Variants in OR7G2 observed in about 807,000 individuals in gnomAD.
OR7G2 encodes olfactory receptor family 7 subfamily G member 2.
For synonymous variants in OR7G2, 153 were observed against 152.2 expected, an observed-to-expected ratio of 1.01 and a Z score of -0.04; for missense variants, 362 against 384.0, an observed-to-expected ratio of 0.94 and a Z score of 0.48.
intron 1 of OR7G2, 65 bp from the exon 2 acceptor site, chr19:9,103,324 G>C (rs1385206410): frequency 6.4e-7 from 1 of 1,571,052 alleles, no homozygotes; most frequent in South Asian, 1.1e-5. Context: ...GAACATGACA[G>C]AAACGCAAAA....
intron 1 of OR7G2, among the ~76,000 whole-genome samples, chr19:9,103,867 T>G (rs1467418715): frequency 9.5e-5 from 2 of 21,034 alleles, no homozygotes; most frequent in African/African-American, 1.5e-4. Context: ...TGTGGAAATG[T>G]TTTTTTTTTT....
intron 1 of OR7G2, among the ~76,000 whole-genome samples, chr19:9,103,897 TCTCA>T (rs74176682): frequency 0.022 from 3,059 of 138,054 alleles, 46 homozygotes; most frequent in Non-Finnish European, 0.031. Flanking sequence ...GGAGATAGGG[TCTCA>T]CTCTGTCGCC....
chr19:9,104,039 A>T (rs1007742534), intron 1 of OR7G2, among the ~76,000 whole-genome samples: 21 of 149,772 alleles, frequency 1.4e-4, no homozygotes, highest in Non-Finnish European at 2.7e-4. Flanking sequence ...TTGGCTAATT[A>T]AAAAAAAATT....
rs2050349961 is a variant in OR7G2, at chr19:9,100,766, A to G, written c.*1503T>C. Reference sequence around the variant, plus strand: ...AGCTCCCTTGACCCACTGTAGGTCTACACTGGGGTGCAATTGACAAGACCC... The same window carrying G: ...AGCTCCCTTGACCCACTGTAGGTCTGCACTGGGGTGCAATTGACAAGACCC... On this transcript the variant is annotated 3_prime_UTR_variant, in exon 2 of 2. Transcript: ENST00000641081. 1 of 152,200 alleles carries G rather than the reference A, an allele frequency of 6.6e-6. No homozygotes were observed. Among genetic ancestry groups the G allele is most frequent in the South Asian group, 2.1e-4 (1 of 4,830 alleles). 9.4% of individuals were successfully genotyped at this position (152,200 alleles called of 1,614,324 possible).
rs371388820 is a variant in OR7G2 at position 9,103,014 on chromosome 19, G to A, written c.230C>T (p.Thr77Met). 4.2e-5 allele frequency: 67 copies of A among 1,614,146 alleles called. No individual in the cohort carries two copies. Among genetic ancestry groups the A allele is most frequent in the South Asian group, 1.8e-4 (16 of 91,086 alleles). Residue 77 changes from threonine (T) to methionine (M), a missense_variant, in exon 2 of 2, where the codon ACG (threonine) becomes ATG (methionine). By Grantham distance (81) the Thr-to-Met change is moderately conservative. Coordinates refer to ENST00000641081, the MANE Select transcript of OR7G2 (RefSeq NM_001005193.2). ...SFLDICLSTT[T>M]IPKMLVNIQA... ...GATGTTCACCAGCATCTTTGGGATC[G>A]TGGTTGTGCTTAAACAAATGTCCAA...
chr19:9,104,238 T>C (rs1332885479), intron 1 of OR7G2, among the ~76,000 whole-genome samples: 4 of 152,098 alleles, frequency 2.6e-5, no homozygotes, highest in Admixed American at 1.3e-4. Flanking sequence ...CCCTTACCCA[T>C]GGCAGACACT....
At position 9,101,774 on chromosome 19, in the gene OR7G2, T is replaced by C. The variant is rs1304770384; in HGVS notation, c.*495A>G. 1 of 153,158 alleles carries C rather than the reference T, an allele frequency of 6.5e-6. No individual in the cohort carries two copies. Among genetic ancestry groups the C allele is most frequent in the African/African-American group, 2.4e-5 (1 of 41,366 alleles). The allele number at this position is 153,158 out of a possible 1,614,324, so 9.5% of individuals were successfully genotyped here. ...TGAGTCTATGGCCTGAGCAAAGAAA[T>C]TGAGTCTAGAGAATTAAAATCACAT... On this transcript the variant is annotated 3_prime_UTR_variant, in exon 2 of 2. Transcript: ENST00000641081.
intron 1 of OR7G2, 80 bp from the exon 2 acceptor site, chr19:9,103,339 G>T (rs1317209079): frequency 1.4e-6 from 2 of 1,441,750 alleles, no homozygotes; most frequent in Admixed American, 3.6e-5. Context: ...GCAAAATCTT[G>T]CTCCCCTCCC....
intron 1 of OR7G2, among the ~76,000 whole-genome samples, chr19:9,106,860 T>C (rs1173407758): frequency 1.3e-5 from 2 of 152,102 alleles, no homozygotes; most frequent in Admixed American, 1.3e-4. Flanking sequence ...CCTTTCATTA[T>C]ATTTGATATT....
chr19:9,103,170 G>A lies in OR7G2; in HGVS notation c.74C>T (p.Pro25Leu), dbSNP rs1425976724. The change falls in exon 2 of 2, where the codon CCC becomes CTC. Residue 25 changes from proline (P) to leucine (L), a missense_variant. Pro to Leu is a moderately conservative substitution (Grantham distance 98, BLOSUM62 -3). Transcript: ENST00000641081. ...GGACAGGAACAGGCTGAAAAGGACG[G>A]GCTGCAGTTCCGGATCCTCTATCAG... Reference protein sequence around the residue: ...LGLIEDPELQPVLFSLFLSMY... With the variant: ...LGLIEDPELQLVLFSLFLSMY... The A allele has an allele frequency of 2.9e-5, 47 of 1,614,102 alleles. No homozygotes were observed. Among genetic ancestry groups the A allele is most frequent in the Non-Finnish European group, 3.9e-5 (46 of 1,180,020 alleles).
At chr19:9,104,520 G>A (rs2050374896) in intron 1 of OR7G2, among the ~76,000 whole-genome samples, 1 of 152,002 alleles carries the variant, frequency 6.6e-6, no homozygotes, top group South Asian at 2.1e-4. Flanking sequence ...GATAAAACTT[G>A]ACATTTAAAA....
In OR7G2 at chr19:9,102,764, G is replaced by A; in HGVS notation, c.480C>T (p.Ser160=). The A allele has an allele frequency of 6.2e-6, 10 of 1,614,104 alleles. No individual in the cohort carries two copies. The highest frequency in any genetic ancestry group is 1.1e-5 in the South Asian group (1 of 91,074). ...AGAAGGACAGCCTCAACACCATCAG[G>A]CTGAGAAGAAGGGCATTCACAACAC... is the stretch of plus-strand genomic sequence containing the variant. The part of the protein sequence containing the change: ...LTSVVNALLL[S]LMVLRLSFCT... The change falls in exon 2 of 2, where the codon AGC becomes AGT. Residue 160 remains serine, a synonymous_variant. Transcript: ENST00000641081.
chr19:9,105,128 A>C (rs1436696336), intron 1 of OR7G2, among the ~76,000 whole-genome samples: 1 of 151,414 alleles, frequency 6.6e-6, no homozygotes, highest in East Asian at 2.0e-4. Flanking sequence ...CAGCCACCGC[A>C]CCCGGCTAAT....
At position 9,102,205 on chromosome 19, in the gene OR7G2, G is replaced by T; in HGVS notation, c.*64C>A. ...AGACAGAGAAAGACTCCATCTCAGA[G>T]AAAAAAACAAAACAAAACAAAGAGT... On this transcript the variant is annotated 3_prime_UTR_variant, in exon 2 of 2. Transcript: ENST00000641081. The T allele has an allele frequency of 6.9e-7, 1 of 1,451,224 alleles. No individual in the cohort carries two copies. Among genetic ancestry groups the T allele is most frequent in the Non-Finnish European group, 9.3e-7 (1 of 1,073,406 alleles). The allele number at this position is 1,451,224 out of a possible 1,614,324, so 89.9% of individuals were successfully genotyped here.
Position 9,101,602 on chromosome 19 carries a change from C to T in OR7G2, c.*667G>A, listed in dbSNP as rs985157814. On this transcript the variant is annotated 3_prime_UTR_variant, in exon 2 of 2. Transcript: ENST00000641081. ...TGGTGTCGTGCACCTGTAGTCCCAGCTACTCAGTAGGCTGAGGCGGGAGAA... is the reference window on the plus strand; with the variant it reads ...TGGTGTCGTGCACCTGTAGTCCCAGTTACTCAGTAGGCTGAGGCGGGAGAA... 3.3e-5 allele frequency: 5 copies of T among 152,204 alleles called. No homozygotes were observed. Among genetic ancestry groups the T allele is most frequent in the African/African-American group, 9.7e-5 (4 of 41,402 alleles). 9.4% of individuals were successfully genotyped at this position (152,204 alleles called of 1,614,324 possible). A position where few individuals can be genotyped will look rare whatever the true frequency, so the allele number is the denominator to read the frequency against.
rs1344420608 is a variant in OR7G2 at position 9,103,011 on chromosome 19, A to T, written c.233T>A (p.Ile78Asn). 3.1e-6 allele frequency: 5 copies of T among 1,614,154 alleles called. No individual in the cohort carries two copies. Among genetic ancestry groups the T allele is most frequent in the Non-Finnish European group, 4.2e-6 (5 of 1,180,036 alleles). Residue 78 changes from isoleucine to asparagine, a missense_variant, in exon 2 of 2, where the codon ATC becomes AAC. Coordinates refer to ENST00000641081, the MANE Select transcript of OR7G2 (RefSeq NM_001005193.2). ...TTGGATGTTCACCAGCATCTTTGGG[A>T]TCGTGGTTGTGCTTAAACAAATGTC... is the stretch of plus-strand genomic sequence containing the variant. ...FLDICLSTTT[I>N]PKMLVNIQAQ...
rs1271659132 is a variant in OR7G2, at chr19:9,103,234, T to C, written c.10A>G (p.Arg4Gly). The C allele has an allele frequency of 1.9e-6, 3 of 1,614,118 alleles. No homozygotes were observed. Among genetic ancestry groups the C allele is most frequent in the Non-Finnish European group, 2.5e-6 (3 of 1,179,990 alleles). ...AATTTTGAAATAGCTGTTTGGTTTC[T>C]CGCTTCCATGCTGTTGATGATGAAT... MEA[R>G]NQTAISKFLL... The change falls in exon 2 of 2, where the codon AGA becomes GGA. Residue 4 changes from arginine to glycine, a missense_variant. Arg to Gly is a moderately radical substitution (Grantham distance 125). Transcript: ENST00000641081.
At chr19:9,107,236 C>A (rs2050391264) in intron 1 of OR7G2, 78 bp downstream of exon 1, 1 of 152,132 alleles carries the variant, frequency 6.6e-6, no homozygotes, top group African/African-American at 2.4e-5. Flanking sequence ...CACCTGCCCT[C>A]ATTTCCAAAG....
Position 9,103,072 on chromosome 19 carries a change from G to T in OR7G2, c.172C>A (p.Pro58Thr). The T allele has an allele frequency of 6.2e-7, 1 of 1,614,064 alleles. No individual in the cohort carries two copies. The highest frequency in any genetic ancestry group is 8.5e-7 in the Non-Finnish European group (1 of 1,179,984). Residue 58 changes from proline to threonine, a missense_variant, in exon 2 of 2, where the codon CCC becomes ACC. Pro to Thr is a conservative substitution (Grantham distance 38, BLOSUM62 -1). Coordinates refer to ENST00000641081, the MANE Select transcript of OR7G2 (RefSeq NM_001005193.2). ...AVISDSHLHTPMYFFLSNLSF... is the reference protein window; with the variant it reads ...AVISDSHLHTTMYFFLSNLSF... ...AGATTGGAGAGGAAGAAGTACATGG[G>T]GGTGTGGAGGTGAGAGTCAGAGATG...
Sources: gnomAD v4.1 joint callset for allele counts (sites outside exome capture counted in the v4.1 genomes callset) on GRCh38, gnomAD v4.1.1 for gene constraint, MANE v1.5 for transcripts, NCBI Gene and HGNC (gene_info 2026-07-23, HGNC 2026-07-21) for gene names.